The following STXBP5L variants were observed in gnomAD, a reference collection of about 807,000 sequenced individuals.
STXBP5L encodes the protein syntaxin binding protein 5L, also known as syntaxin-binding protein 5-like.
In STXBP5L, 65 loss-of-function variants were observed where a neutral mutation model predicts 144.5. The observed-to-expected ratio is 0.45, with a 90% confidence interval of 0.37 to 0.55. The LOEUF is 0.55. Ranked by LOEUF, STXBP5L falls within the 20% of genes least tolerant of loss-of-function variation. STXBP5L has a pLI of 0.00. For missense variants in STXBP5L, 1,298 were observed against 1,405.5 expected, an observed-to-expected ratio of 0.92 and a Z score of 1.22; for synonymous variants, 505 against 469.6, an observed-to-expected ratio of 1.08 and a Z score of -0.97.
chr3:121,005,647 G>A (rs1224232059), intron 3 of STXBP5L, among the ~76,000 whole-genome samples: 4 of 152,064 alleles, frequency 2.6e-5, no homozygotes, highest in African/African-American at 9.7e-5. Flanking sequence ...TGATGTTAGG[G>A]TGTCAATTTT....
chr3:121,105,450 A>G (rs2043653250), intron 5 of STXBP5L, among the ~76,000 whole-genome samples: 1 of 152,142 alleles, frequency 6.6e-6, no homozygotes, highest in Non-Finnish European at 1.5e-5. Context: ...AAGAAACATG[A>G]AAAAATGATC....
At chr3:121,278,344 T>C (rs1033385222) in intron 18 of STXBP5L, among the ~76,000 whole-genome samples, 1 of 152,014 alleles carries the variant, frequency 6.6e-6, no homozygotes, top group African/African-American at 2.4e-5. Flanking sequence ...ACCAACTTTC[T>C]GACAACTACT....
chr3:121,377,566 GA>G (rs1487613891), intron 20 of STXBP5L, among the ~76,000 whole-genome samples: 1 of 152,098 alleles, frequency 6.6e-6, no homozygotes, highest in African/African-American at 2.4e-5. Context: ...AAAAACATAT[GA>G]AAAAAGCTCA....
At chr3:121,079,900 G>C (rs971051529) in intron 5 of STXBP5L, among the ~76,000 whole-genome samples, 11 of 152,162 alleles carry the variant, frequency 7.2e-5, no homozygotes, top group African/African-American at 2.2e-4. Flanking sequence ...TTGATGATCT[G>C]TCTAGTGCTG....
In STXBP5L at chr3:120,909,542, CCCTTTTTTT is replaced by C; in HGVS notation, c.-8-23_-8-15del. ...ATTGCACGTGTTAAGTCACCTCTTT[CCCTTTTTTT>C]CCTTTGTATTTCTCAACAGTGTTTA... On this transcript the variant is annotated intron_variant, in intron 1 of 26. Coordinates refer to ENST00000471454, the MANE Select transcript of STXBP5L (RefSeq NM_001308330.2). 6.3e-7 allele frequency: 1 copy of C among 1,595,360 alleles called. No homozygotes were observed. Among genetic ancestry groups the C allele is most frequent in the Non-Finnish European group, 8.5e-7 (1 of 1,171,732 alleles).
chr3:121,108,053 C>G (rs1162543755), intron 5 of STXBP5L, among the ~76,000 whole-genome samples: 1 of 151,814 alleles, frequency 6.6e-6, no homozygotes, highest in East Asian at 1.9e-4. Flanking sequence ...TGATTTTGCA[C>G]ATTGATTTTG....
At chr3:121,027,839 A>C (rs938458111) in intron 3 of STXBP5L, among the ~76,000 whole-genome samples, 4 of 152,060 alleles carry the variant, frequency 2.6e-5, no homozygotes, top group African/African-American at 7.2e-5. Context: ...GGGCTGGTGC[A>C]TTATTCTACC....
chr3:121,373,126 T>A (rs2046081012), intron 20 of STXBP5L, among the ~76,000 whole-genome samples: 1 of 152,182 alleles, frequency 6.6e-6, no homozygotes, highest in Non-Finnish European at 1.5e-5. Context: ...TAGGGAAGAA[T>A]TAATGAATCC....
At chr3:121,108,105 C>T (rs1051322911) in intron 5 of STXBP5L, among the ~76,000 whole-genome samples, 1 of 152,078 alleles carries the variant, frequency 6.6e-6, no homozygotes, top group Non-Finnish European at 1.5e-5. Context: ...GCTTAAGAAG[C>T]TTTTAGGCTG....
At chr3:121,177,039 A>C (rs1292682475) in intron 9 of STXBP5L, among the ~76,000 whole-genome samples, 1 of 151,890 alleles carries the variant, frequency 6.6e-6, no homozygotes, top group Non-Finnish European at 1.5e-5. Flanking sequence ...TTCTACTTTT[A>C]AGACAAAGGG....
intron 7 of STXBP5L, among the ~76,000 whole-genome samples, chr3:121,139,541 G>T (rs1288909561): frequency 6.6e-6 from 1 of 152,026 alleles, no homozygotes; most frequent in Non-Finnish European, 1.5e-5. Flanking sequence ...CAGAGTCAAT[G>T]CTCTTAACAA....
chr3:121,081,699 C>G (rs1366381054), intron 5 of STXBP5L, among the ~76,000 whole-genome samples: 1 of 152,118 alleles, frequency 6.6e-6, no homozygotes, highest in African/African-American at 2.4e-5. Context: ...GGGTGGTATT[C>G]CTGGCTAGGC....
chr3:120,953,325 CTTTTTTT>C (rs397875191), intron 2 of STXBP5L, among the ~76,000 whole-genome samples: 1 of 105,740 alleles, frequency 9.5e-6, no homozygotes, highest in Non-Finnish European at 1.8e-5. Flanking sequence ...TCACAATTGA[CTTTTTTT>C]TTTTTTTTTT....
chr3:121,152,864 C>A (rs942822218), intron 8 of STXBP5L, among the ~76,000 whole-genome samples: 32 of 152,016 alleles, frequency 2.1e-4, no homozygotes, highest in Non-Finnish European at 1.6e-4. Context: ...TACTATATCC[C>A]CAACTTTGTC....
At chr3:121,051,862 G>T (rs888924018) in intron 5 of STXBP5L, among the ~76,000 whole-genome samples, 2 of 152,044 alleles carry the variant, frequency 1.3e-5, no homozygotes, top group Non-Finnish European at 2.9e-5. Flanking sequence ...AAGAAGAAAA[G>T]AGAGAAGAAT....
chr3:121,344,953 A>G (rs146372443), intron 20 of STXBP5L, among the ~76,000 whole-genome samples: 5,355 of 149,966 alleles, frequency 0.036, 145 homozygotes, highest in Middle Eastern at 0.086. Context: ...TTAATTATAT[A>G]TATAAGATTA....
chr3:121,189,534 A>T (rs1418011363), intron 9 of STXBP5L, among the ~76,000 whole-genome samples: 1 of 152,020 alleles, frequency 6.6e-6, no homozygotes, highest in Non-Finnish European at 1.5e-5. Context: ...ATGGTTGTAG[A>T]TGTGTGGTAT....
rs148340292 is a variant in STXBP5L, at chr3:121,298,143, T to C, written c.2110+18187T>C. On this transcript the variant is annotated intron_variant, in intron 19 of 26. Coordinates refer to ENST00000471454, the MANE Select transcript of STXBP5L (RefSeq NM_001308330.2). ...TTCTCCACATCCTCATCAACACTTG[T>C]TATTTTCTGTTTTTGTTTGTTTGTT... 2.7e-3 allele frequency among the ~76,000 whole-genome samples: 416 copies of C among 152,348 alleles called. 2 individuals are homozygous for C. Among genetic ancestry groups the C allele is most frequent in the African/African-American group, 9.0e-3 (376 of 41,576 alleles).
chr3:121,343,809 A>C (rs1356539401), intron 20 of STXBP5L, among the ~76,000 whole-genome samples: 2 of 152,128 alleles, frequency 1.3e-5, no homozygotes, highest in Admixed American at 1.3e-4. Flanking sequence ...ATATCGTGAA[A>C]ATGGCCGTAC....
Sources: gnomAD v4.1 joint callset for allele counts (sites outside exome capture counted in the v4.1 genomes callset) on GRCh38, gnomAD v4.1.1 for gene constraint, MANE v1.5 for transcripts, NCBI Gene and HGNC (gene_info 2026-07-23, HGNC 2026-07-21) for gene names.